UNC5C: variants seen among roughly 807,000 people sequenced by gnomAD.
UNC5C encodes the protein netrin receptor UNC5C.
Under a neutral mutation model 99.8 loss-of-function variants are expected in UNC5C, and 47 were observed. The ratio of observed to expected loss-of-function variants is 0.47; its 90% CI spans 0.37 to 0.60. UNC5C has a LOEUF of 0.60. Ranked by LOEUF, UNC5C falls within the 20% of genes least tolerant of loss-of-function variation. The pLI is 0.00. For missense variants in UNC5C, 1,062 were observed against 1,165.9 expected (o/e 0.91, Z 1.30); for synonymous variants, 487 against 452.2 (o/e 1.08, Z -0.98).
At chr4:95,259,140 A>C (rs375273985) in intron 4 of UNC5C, among the ~76,000 whole-genome samples, 1 of 151,380 alleles carries the variant, frequency 6.6e-6, no homozygotes. Context: ...CCAAAACTGA[A>C]CTCTGCGATT....
chr4:95,406,641 C>T (rs1479871502), intron 1 of UNC5C, among the ~76,000 whole-genome samples: 3 of 152,282 alleles, frequency 2.0e-5, no homozygotes, highest in South Asian at 2.1e-4. Context: ...CACCGTCAGT[C>T]CCTTAAGCCA....
chr4:95,381,756 G>A (rs1029858827), intron 1 of UNC5C, among the ~76,000 whole-genome samples: 21 of 152,012 alleles, frequency 1.4e-4, no homozygotes, highest in African/African-American at 3.6e-4. Flanking sequence ...CAATGTAAGT[G>A]CTTAGATTAA....
At chr4:95,230,749 C>T (rs991983248) in intron 7 of UNC5C, among the ~76,000 whole-genome samples, 16 of 151,438 alleles carry the variant, frequency 1.1e-4, no homozygotes, top group Non-Finnish European at 1.5e-5. Context: ...CTTCTGGCAT[C>T]CAAGATCCTG....
chr4:95,221,169 C>A (rs984711269), intron 7 of UNC5C, among the ~76,000 whole-genome samples: 2 of 152,136 alleles, frequency 1.3e-5, no homozygotes, highest in African/African-American at 4.8e-5. Context: ...TTTGTGGACC[C>A]CTTTGACATT....
Position 95,216,124 on chromosome 4 carries a change from CT to C in UNC5C, c.1732del (p.Arg578GlyfsTer11). ...AGTGCACCAGAAAAAGCATATTTACCTCATAGTTTCTTTCCTGTGTACAGTC... is the reference window on the plus strand; with the variant it reads ...AGTGCACCAGAAAAAGCATATTTACCCATAGTTTCTTTCCTGTGTACAGTC... ...YVTVHRKETM[R>X]PPMDDSQTLL... On this transcript the variant is annotated frameshift_variant and splice_region_variant, in exon 10 of 16. Transcript: ENST00000453304. LOFTEE classifies it high-confidence loss of function. 4 of 1,612,124 alleles carry C rather than the reference CT, an allele frequency of 2.5e-6. No individual in the cohort carries two copies. The highest frequency in any genetic ancestry group is 2.5e-6 in the Non-Finnish European group (3 of 1,178,874).
At chr4:95,327,868 CTTAATGA>C (rs1742948223) in intron 2 of UNC5C, among the ~76,000 whole-genome samples, 1 of 151,998 alleles carries the variant, frequency 6.6e-6, no homozygotes, top group South Asian at 2.1e-4. Flanking sequence ...CTGATTCTTC[CTTAATGA>C]TGAAAAAGAA....
At position 95,535,843 on chromosome 4, in the gene UNC5C, C is replaced by T. The variant is rs979194475; in HGVS notation, c.124+12891G>A. Reference sequence around the variant, plus strand: ...ACACATACATACAAATATATGCACACATCCAGTACATTTTTAATTCTCTAG... The same window carrying T: ...ACACATACATACAAATATATGCACATATCCAGTACATTTTTAATTCTCTAG... On this transcript the variant is annotated intron_variant, in intron 1 of 15. Transcript: ENST00000453304. Among the ~76,000 whole-genome samples, 7 of 151,922 alleles carry T rather than the reference C, an allele frequency of 4.6e-5. No individual in the cohort carries two copies. The East Asian group carries it at 1.4e-3, about 29-fold the overall frequency.
intron 1 of UNC5C, among the ~76,000 whole-genome samples, chr4:95,515,539 T>C (rs1260683084): frequency 6.6e-6 from 1 of 152,216 alleles, no homozygotes; most frequent in African/African-American, 2.4e-5. Context: ...TTTTGTTAGC[T>C]GAGGAAAATG....
chr4:95,463,334 G>A (rs958458700), intron 1 of UNC5C, among the ~76,000 whole-genome samples: 12 of 152,154 alleles, frequency 7.9e-5, no homozygotes, highest in African/African-American at 2.9e-4. Flanking sequence ...AGAAGTCGTG[G>A]TAAGAGCAGT....
intron 1 of UNC5C, among the ~76,000 whole-genome samples, chr4:95,531,670 A>G (rs1233030072): frequency 2.0e-5 from 3 of 152,224 alleles, no homozygotes; most frequent in East Asian, 1.9e-4. Context: ...TTTTCAGACA[A>G]TAGTCAATTA....
At chr4:95,348,803 T>C (rs2149427961) in intron 1 of UNC5C, among the ~76,000 whole-genome samples, 1 of 151,738 alleles carries the variant, frequency 6.6e-6, no homozygotes, top group East Asian at 2.0e-4. Flanking sequence ...AGACTGTTTC[T>C]GTCATTTGCA....
intron 5 of UNC5C, among the ~76,000 whole-genome samples, chr4:95,247,213 CA>C (rs1340671508): frequency 6.6e-6 from 1 of 151,748 alleles, no homozygotes; most frequent in Non-Finnish European, 1.5e-5. Flanking sequence ...ATTACATTAA[CA>C]AAAAATATAT....
At chr4:95,431,580 A>G (rs148593464) in intron 1 of UNC5C, among the ~76,000 whole-genome samples, 17 of 152,098 alleles carry the variant, frequency 1.1e-4, no homozygotes, top group African/African-American at 2.9e-4. Context: ...TAGACTTTAC[A>G]TGGGAGTAGA....
intron 1 of UNC5C, among the ~76,000 whole-genome samples, chr4:95,425,374 T>G (rs1746447954): frequency 6.6e-6 from 1 of 152,248 alleles, no homozygotes; most frequent in South Asian, 2.1e-4. Flanking sequence ...CAGGCTGGAG[T>G]GCAGTGGCGC....
chr4:95,543,569 G>A lies in UNC5C; in HGVS notation c.124+5165C>T, dbSNP rs543576746. Among the ~76,000 whole-genome samples the A allele has an allele frequency of 5.3e-5, 8 of 152,214 alleles. No individual in the cohort carries two copies. The South Asian group carries it at 1.2e-3, about 24-fold the overall frequency. On this transcript the variant is annotated intron_variant, in intron 1 of 15. Transcript: ENST00000453304. ...TTTGTTTGAACAGAAAACCAATTAT[G>A]TTCTTTAGAGTATATACTTGTGTCC...
At chr4:95,434,721 T>C (rs1418562645) in intron 1 of UNC5C, among the ~76,000 whole-genome samples, 4 of 152,038 alleles carry the variant, frequency 2.6e-5, no homozygotes. Context: ...TTCAAAGCCA[T>C]GACTATATTA....
At chr4:95,172,699 C>G (rs1736173322) in intron 14 of UNC5C, among the ~76,000 whole-genome samples, 1 of 151,792 alleles carries the variant, frequency 6.6e-6, no homozygotes, top group Non-Finnish European at 1.5e-5. Context: ...GTTCTTTTGG[C>G]TTAGGATTGA....
At chr4:95,490,848 A>C (rs1029452850) in intron 1 of UNC5C, among the ~76,000 whole-genome samples, 7 of 151,776 alleles carry the variant, frequency 4.6e-5, no homozygotes, top group African/African-American at 1.7e-4. Context: ...TAATTTATCA[A>C]GTTATTATAT....
intron 7 of UNC5C, among the ~76,000 whole-genome samples, chr4:95,223,736 C>G (rs1239082266): frequency 6.6e-6 from 1 of 151,996 alleles, no homozygotes; most frequent in Non-Finnish European, 1.5e-5. Context: ...AAAATTTTTC[C>G]ATTTGTATTC....
Sources: allele counts gnomAD v4.1 joint callset (sites outside exome capture counted in the v4.1 genomes callset), GRCh38; gene constraint gnomAD v4.1.1; transcripts MANE v1.5; gene names NCBI Gene and HGNC (gene_info 2026-07-23, HGNC 2026-07-21).